Variants in ZNF236 observed in about 807,000 individuals in gnomAD.
The protein encoded by ZNF236 is regulated by glucose.
A neutral mutation model predicts 191.2 loss-of-function variants in ZNF236; 50 were observed. That is an observed-to-expected ratio of 0.26 (90% CI 0.21 to 0.33). ZNF236 has a LOEUF of 0.33. ZNF236 is among the 10% of genes least tolerant of loss of function. ZNF236 has a pLI of 1.00. For missense variants in ZNF236, 1,754 were observed against 2,374.5 expected (o/e 0.74, Z 5.43); for synonymous variants, 907 against 928.8 (o/e 0.98, Z 0.43).
At chr18:76,885,033 A>G (rs1323777953) in intron 9 of ZNF236, 1 of 152,184 alleles carries the variant, frequency 6.6e-6, no homozygotes, top group Non-Finnish European at 1.5e-5. Flanking sequence ...CCCCTAAATT[A>G]TTAACTGGAA....
intron 30 of ZNF236, among the ~76,000 whole-genome samples, chr18:76,965,869 C>T (rs193049910): frequency 9.4e-4 from 143 of 152,264 alleles, no homozygotes; most frequent in African/African-American, 3.0e-3. Context: ...GGCCTCCTGC[C>T]GGGAGGTGGT....
In ZNF236 at chr18:76,875,372, T is replaced by TC. The variant is rs1227162529; in HGVS notation, c.668-120_668-119insC. On this transcript the variant is annotated intron_variant, in intron 5 of 30. Coordinates refer to ENST00000320610, the MANE Select transcript of ZNF236 (RefSeq NM_001306089.2). This position sits in a 1 kb window ranked among gnomAD's most constrained non-coding sequence, Gnocchi z 4.3. ...GACACTTGTATATATGCATCTAGAG[T>TC]TCTGGGGAGACATTTTGGCTGGAGG... The TC allele has an allele frequency of 1.0e-6, 1 of 954,416 alleles. No individual in the cohort carries two copies. Among genetic ancestry groups the TC allele is most frequent in the Non-Finnish European group, 1.5e-6 (1 of 688,270 alleles). 59.1% of individuals were successfully genotyped at this position (954,416 alleles called of 1,614,324 possible). A position where few individuals can be genotyped will look rare whatever the true frequency, so the allele number is the denominator to read the frequency against.
At chr18:76,911,687 C>G (rs1967221390) in intron 16 of ZNF236, among the ~76,000 whole-genome samples, 1 of 151,370 alleles carries the variant, frequency 6.6e-6, no homozygotes, top group Non-Finnish European at 1.5e-5. Flanking sequence ...GGAGCTTATC[C>G]TCTACTCAGT....
rs1169059737 is a variant in ZNF236, at chr18:76,910,730, C to T, written c.2724C>T (p.Ser908=). 1 of 1,614,092 alleles carries T rather than the reference C, an allele frequency of 6.2e-7. No individual in the cohort carries two copies. The highest frequency in any genetic ancestry group is 2.2e-5 in the East Asian group (1 of 44,894). The part of the protein sequence containing the change: ...FPPVQQLQDS[S]TLESQALSTS... ...CTGTCCAACAGCTACAGGATTCCAG[C>T]ACACTTGAGTCTCAGGCCCTCTCCA... The change falls in exon 16 of 31, where the codon AGC becomes AGT. Residue 908 remains serine (S), a synonymous_variant. Transcript: ENST00000320610.
intron 25 of ZNF236, among the ~76,000 whole-genome samples, chr18:76,933,524 C>G (rs1433949772): frequency 6.6e-6 from 1 of 151,240 alleles, no homozygotes; most frequent in African/African-American, 2.4e-5. Context: ...CTCTCTCTCT[C>G]TCTCTTAGGC....
At position 76,968,362 on chromosome 18, in the gene ZNF236, A is replaced by G. The variant is rs1157916672; in HGVS notation, c.*23A>G. The G allele has an allele frequency of 1.3e-6, 2 of 1,594,068 alleles. No individual in the cohort carries two copies. The highest frequency in any genetic ancestry group is 1.4e-5 in the African/African-American group (1 of 73,684). ...TGATGCGAGTTGGAAGTACACCTTT[A>G]AGAATGTTTCTGAAGTTACGTTTTG... On this transcript the variant is annotated 3_prime_UTR_variant, in exon 31 of 31. Coordinates refer to ENST00000320610, the MANE Select transcript of ZNF236 (RefSeq NM_001306089.2).
rs1377695395 is a variant in ZNF236 at position 76,971,116 on chromosome 18, G to C, written c.*2777G>C. Among the ~76,000 whole-genome samples, 1 of 152,264 alleles carries C rather than the reference G, an allele frequency of 6.6e-6. No individual in the cohort carries two copies. Among genetic ancestry groups the C allele is most frequent in the Non-Finnish European group, 1.5e-5 (1 of 68,044 alleles). Reference sequence around the variant, plus strand: ...TGAAAGAATGAATTGCCTTTGCAAAGATACCAAACGTGAAGGTGGGGTGCA... The same window carrying C: ...TGAAAGAATGAATTGCCTTTGCAAACATACCAAACGTGAAGGTGGGGTGCA... On this transcript the variant is annotated 3_prime_UTR_variant, in exon 31 of 31. Transcript: ENST00000320610.
chr18:76,929,524 AG>A (rs2122851914), intron 25 of ZNF236, among the ~76,000 whole-genome samples: 1 of 152,316 alleles, frequency 6.6e-6, no homozygotes, highest in African/African-American at 2.4e-5. Flanking sequence ...TGTATTCTTC[AG>A]TTTGTGGATT....
chr18:76,923,802 C>T (rs967504342), intron 21 of ZNF236, among the ~76,000 whole-genome samples: 1 of 152,020 alleles, frequency 6.6e-6, no homozygotes, highest in African/African-American at 2.4e-5. Context: ...AATAGTTGTA[C>T]CTCCGTCTTT....
At chr18:76,910,888 A>C in intron 16 of ZNF236, 77 bp downstream of exon 16, 1 of 1,536,838 alleles carries the variant, frequency 6.5e-7, no homozygotes, top group Non-Finnish European at 8.8e-7. Context: ...ATTATTAAAA[A>C]TTTCCTTAAG....
chr18:76,880,094 A>T lies in ZNF236; in HGVS notation c.985-19A>T. On this transcript the variant is annotated intron_variant, in intron 7 of 30. Transcript: ENST00000320610. This position sits in a 1 kb window ranked among gnomAD's most constrained non-coding sequence, Gnocchi z 5.0. The stretch of plus-strand genomic sequence containing the variant: ...AAGAGCAAAATTGTATTTTTAATGA[A>T]AATGTTTCTGTGTTTCAGGCCACAC... 1 of 1,578,880 alleles carries T rather than the reference A, an allele frequency of 6.3e-7. No individual in the cohort carries two copies. Among genetic ancestry groups the T allele is most frequent in the East Asian group, 2.3e-5 (1 of 44,384 alleles).
chr18:76,909,947 T>G (rs1455337505), intron 14 of ZNF236, 121 bp from the exon 15 acceptor site: 2 of 666,526 alleles, frequency 3.0e-6, no homozygotes, highest in African/African-American at 3.6e-5. Flanking sequence ...TCTCCCTGTT[T>G]TCTTTTCAAA....
Position 76,875,398 on chromosome 18 carries a change from GAT to G in ZNF236, c.668-92_668-91del. The G allele has an allele frequency of 8.1e-7, 1 of 1,239,682 alleles. No individual in the cohort carries two copies. Among genetic ancestry groups the G allele is most frequent in the East Asian group, 2.8e-5 (1 of 36,338 alleles). The allele number at this position is 1,239,682 out of a possible 1,614,324, so 76.8% of individuals were successfully genotyped here. ...TCTGGGGAGACATTTTGGCTGGAGGGATAGGTTTGGGTAACTTCAGTGTTGTT... is the reference window on the plus strand; with the variant it reads ...TCTGGGGAGACATTTTGGCTGGAGGGAGGTTTGGGTAACTTCAGTGTTGTT... On this transcript the variant is annotated intron_variant, in intron 5 of 30. Coordinates refer to ENST00000320610, the MANE Select transcript of ZNF236 (RefSeq NM_001306089.2). The surrounding 1 kb of genome is among the most constrained non-coding windows in gnomAD (Gnocchi z 4.3).
At chr18:76,950,177 G>T (rs112315320) in intron 27 of ZNF236, among the ~76,000 whole-genome samples, 1 of 151,976 alleles carries the variant, frequency 6.6e-6, no homozygotes, top group Non-Finnish European at 1.5e-5. Flanking sequence ...AGTTTGCTGC[G>T]TTGATTCTTC....
chr18:76,952,916 A>C (rs1968442254), intron 27 of ZNF236, among the ~76,000 whole-genome samples: 1 of 152,218 alleles, frequency 6.6e-6, no homozygotes, highest in Non-Finnish European at 1.5e-5. Flanking sequence ...CACAGAGCAC[A>C]GGTCCTGGTC....
intron 1 of ZNF236, 103 bp downstream of exon 1, chr18:76,822,765 G>C (rs1974888321): frequency 6.9e-6 from 1 of 144,928 alleles, no homozygotes; most frequent in Non-Finnish European, 1.5e-5. Flanking sequence ...GAGCGGCGGG[G>C]CGGGGGCGGG....
At chr18:76,918,198 G>A (rs773663173) in intron 19 of ZNF236, among the ~76,000 whole-genome samples, 1 of 151,764 alleles carries the variant, frequency 6.6e-6, no homozygotes, top group Non-Finnish European at 1.5e-5. Flanking sequence ...TAATCAATTG[G>A]AATGCGTCCT....
rs751365724 is a variant in ZNF236, at chr18:76,918,693, T to C, written c.3275-1083T>C. Among the ~76,000 whole-genome samples, 19 of 152,114 alleles carry C rather than the reference T, an allele frequency of 1.2e-4. 1 individual carries two copies. Among genetic ancestry groups the C allele is most frequent in the Admixed American group, 4.6e-4 (7 of 15,278 alleles). On this transcript the variant is annotated intron_variant, in intron 19 of 30. Transcript: ENST00000320610. ...CCTTGGCCTCCCAATATGCTGGGAT[T>C]ACAGGCGCGCGCCCCCATGCCTGGT...
intron 13 of ZNF236, among the ~76,000 whole-genome samples, chr18:76,907,945 C>T (rs772783500): frequency 4.6e-5 from 7 of 152,106 alleles, no homozygotes; most frequent in South Asian, 2.1e-4. Flanking sequence ...ATAAAGGTGT[C>T]GTCTCATTTA....
Sources: allele counts gnomAD v4.1 joint callset (sites outside exome capture counted in the v4.1 genomes callset), GRCh38; gene constraint gnomAD v4.1.1; non-coding constraint Gnocchi (gnomAD v3.1); transcripts MANE v1.5; gene names NCBI Gene and HGNC (gene_info 2026-07-23, HGNC 2026-07-21).